COL6A6: variants seen among roughly 807,000 people sequenced by gnomAD.
COL6A6 encodes collagen alpha-6(VI) chain.
COL6A6 carries 183 observed loss-of-function variants against 208.6 expected under a neutral mutation model. The ratio of observed to expected loss-of-function variants is 0.88; its 90% CI spans 0.78 to 0.99. The LOEUF (loss-of-function observed/expected upper bound fraction) is 0.99. COL6A6 is among the 50% of genes least tolerant of loss of function. The pLI is 0.00. For synonymous variants in COL6A6, 973 were observed against 1,011.8 expected (o/e 0.96, Z 0.73); for missense variants, 2,816 against 2,815.2 (o/e 1.00, Z -0.01).
chr3:130,543,199 T>C (rs9864064), intron 1 of COL6A6, among the ~76,000 whole-genome samples: 121,425 of 151,886 alleles, frequency 0.8, 49,272 homozygotes, highest in Non-Finnish European at 0.87. Flanking sequence ...CCACCGTGTC[T>C]GACCCATTCA....
intron 1 of COL6A6, among the ~76,000 whole-genome samples, chr3:130,518,398 G>A (rs528139442): frequency 1.5e-4 from 23 of 152,288 alleles, no homozygotes; most frequent in Admixed American, 1.4e-3. Flanking sequence ...TTATTGTTCA[G>A]TGTCTTCATA....
At chr3:130,565,821 T>C (rs1235835849) in intron 4 of COL6A6, among the ~76,000 whole-genome samples, 1 of 152,186 alleles carries the variant, frequency 6.6e-6, no homozygotes, top group Non-Finnish European at 1.5e-5. Flanking sequence ...GATTTCCCCT[T>C]TTAGTTCCTC....
chr3:130,628,836 C>A (rs2064973496), intron 26 of COL6A6, among the ~76,000 whole-genome samples: 1 of 81,452 alleles, frequency 1.2e-5, no homozygotes, highest in South Asian at 3.7e-4. Context: ...AGCTGAGGGT[C>A]CTGTCTGTTA....
rs2062983051 is a variant in COL6A6 at position 130,565,080 on chromosome 3, G to A, written c.748G>A (p.Gly250Arg). Residue 250 changes from glycine to arginine, a missense_variant, in exon 4 of 37, where the codon GGA becomes AGA. Coordinates refer to ENST00000358511, the MANE Select transcript of COL6A6 (RefSeq NM_001102608.3). ...GSEENFDYLK[G>R]FLEESVSALD... is the part of the protein sequence containing the mutation. ...TGAGGAGAACTTTGACTATCTTAAA[G>A]GATTCTTGGAAGAAAGTGTATCTGC... 1 of 1,614,002 alleles carries A rather than the reference G, an allele frequency of 6.2e-7. No homozygotes were observed. The highest frequency in any genetic ancestry group is 8.5e-7 in the Non-Finnish European group (1 of 1,179,870).
intron 19 of COL6A6, 78 bp from the exon 20 acceptor site, chr3:130,599,679 G>C: frequency 6.9e-7 from 1 of 1,439,940 alleles, no homozygotes; most frequent in South Asian, 1.2e-5. Flanking sequence ...ATCCTCCCTG[G>C]AGTAAAAGTT....
Position 130,597,531 on chromosome 3 carries a change from A to G in COL6A6, c.4534-834A>G, listed in dbSNP as rs571915103. Among the ~76,000 whole-genome samples the G allele has an allele frequency of 7.9e-5, 12 of 152,344 alleles. No individual in the cohort carries two copies. The East Asian group carries it at 2.3e-3, about 29-fold the overall frequency. On this transcript the variant is annotated intron_variant, in intron 18 of 36. Transcript: ENST00000358511. ...GCTGCTATCAGCCCAGCAGCCCCAT[A>G]GCTGGCACTCAGCAGGACTGGATAA...
chr3:130,658,927 A>C (rs1004462405), intron 34 of COL6A6, among the ~76,000 whole-genome samples, 155 bp downstream of exon 34: 1 of 152,162 alleles, frequency 6.6e-6, no homozygotes, highest in African/African-American at 2.4e-5. Flanking sequence ...TTCATCTTCC[A>C]CAGATGAATC....
chr3:130,668,678 A>G (rs1214216773), intron 36 of COL6A6, among the ~76,000 whole-genome samples: 2 of 152,186 alleles, frequency 1.3e-5, no homozygotes, highest in Non-Finnish European at 2.9e-5. Flanking sequence ...ACATGATGAC[A>G]AAGTGTTCAA....
In COL6A6 at chr3:130,563,322, A is replaced by G. The variant is rs370744388; in HGVS notation, c.319A>G (p.Ile107Val). ...NFGFIGGSLQ[I>V]GKALQEAHRT... is the part of the protein sequence containing the mutation. ...TGGATTCATTGGCGGGTCCCTGCAG[A>G]TAGGAAAGGCTCTTCAGGAGGCTCA... The change falls in exon 3 of 37, where the codon ATA (isoleucine) becomes GTA (valine). Residue 107 changes from isoleucine (I) to valine (V), a missense_variant. Ile to Val is a conservative substitution (Grantham distance 29). Coordinates refer to ENST00000358511, the MANE Select transcript of COL6A6 (RefSeq NM_001102608.3). The G allele has an allele frequency of 1.2e-6, 2 of 1,613,982 alleles. No individual in the cohort carries two copies. Among genetic ancestry groups the G allele is most frequent in the Non-Finnish European group, 1.7e-6 (2 of 1,179,876 alleles).
chr3:130,535,146 T>C (rs2062193946), intron 1 of COL6A6, among the ~76,000 whole-genome samples: 1 of 152,024 alleles, frequency 6.6e-6, no homozygotes, highest in Non-Finnish European at 1.5e-5. Context: ...CTATTCCTAT[T>C]AGACCCATGT....
chr3:130,627,998 G>A (rs1388477345), intron 26 of COL6A6, among the ~76,000 whole-genome samples: 1 of 152,168 alleles, frequency 6.6e-6, no homozygotes, highest in Non-Finnish European at 1.5e-5. Flanking sequence ...TTTGAGACCT[G>A]TAACAGTGAA....
At chr3:130,660,794 A>C (rs1156701871) in intron 34 of COL6A6, among the ~76,000 whole-genome samples, 2 of 152,200 alleles carry the variant, frequency 1.3e-5, no homozygotes, top group Non-Finnish European at 2.9e-5. Context: ...CATCTCTAAC[A>C]ATAAAATACT....
In COL6A6 at chr3:130,606,916, T is replaced by C; in HGVS notation, c.4654-15T>C. On this transcript the variant is annotated splice_polypyrimidine_tract_variant and intron_variant, in intron 20 of 36. Coordinates refer to ENST00000358511, the MANE Select transcript of COL6A6 (RefSeq NM_001102608.3). ...TTTTCTGAATTAATGATATCCACCT[T>C]TTCTTCTATTTTAGGCAGCTCATGG... 1 of 1,603,904 alleles carries C rather than the reference T, an allele frequency of 6.2e-7. No homozygotes were observed. The highest frequency in any genetic ancestry group is 1.1e-5 in the South Asian group (1 of 89,106).
At chr3:130,627,839 G>C (rs2108300905) in intron 26 of COL6A6, among the ~76,000 whole-genome samples, 1 of 152,264 alleles carries the variant, frequency 6.6e-6, no homozygotes, top group African/African-American at 2.4e-5. Flanking sequence ...TGAATATTTA[G>C]GTGGCTGGAA....
chr3:130,528,892 C>T (rs1353664280), intron 1 of COL6A6, among the ~76,000 whole-genome samples: 2 of 152,150 alleles, frequency 1.3e-5, no homozygotes, highest in Non-Finnish European at 2.9e-5. Context: ...AAGATCGAAA[C>T]CATCCTGGCT....
At chr3:130,588,996 C>A (rs2063608699) in intron 11 of COL6A6, 94 bp from the exon 12 acceptor site, 13 of 648,900 alleles carry the variant, frequency 2.0e-5, no homozygotes, top group Middle Eastern at 2.9e-4. Flanking sequence ...GCTTCTGAAA[C>A]TGTGGTAGAA....
intron 1 of COL6A6, among the ~76,000 whole-genome samples, chr3:130,552,030 A>G (rs2062654155): frequency 6.6e-6 from 1 of 152,078 alleles, no homozygotes; most frequent in South Asian, 2.1e-4. Flanking sequence ...GGTTGGTGTG[A>G]TTTTAGTTTT....
chr3:130,556,660 TGTA>T (rs778218398), intron 1 of COL6A6, among the ~76,000 whole-genome samples: 77 of 152,328 alleles, frequency 5.1e-4, no homozygotes, highest in Admixed American at 1.0e-3. Flanking sequence ...TTTTTAGTAT[TGTA>T]GTATCTATTT....
intron 18 of COL6A6, among the ~76,000 whole-genome samples, chr3:130,596,665 T>C (rs1206793303): frequency 6.6e-6 from 1 of 152,196 alleles, no homozygotes; most frequent in Non-Finnish European, 1.5e-5. Flanking sequence ...CTGTTTGGAA[T>C]TTCCCATCTT....
Sources: gnomAD v4.1 joint callset for allele counts (sites outside exome capture counted in the v4.1 genomes callset) on GRCh38, gnomAD v4.1.1 for gene constraint, MANE v1.5 for transcripts, NCBI Gene and HGNC (gene_info 2026-07-23, HGNC 2026-07-21) for gene names.